The following HSD17B12 variants were observed in gnomAD, a reference collection of about 807,000 sequenced individuals.
HSD17B12 encodes the protein very-long-chain 3-oxoacyl-CoA reductase.
A neutral mutation model predicts 39.3 loss-of-function variants in HSD17B12; 32 were observed. That is an observed-to-expected ratio of 0.81 (90% CI 0.61 to 1.09). The LOEUF (loss-of-function observed/expected upper bound fraction) is 1.09. HSD17B12 is among the 50% of genes least tolerant of loss of function. HSD17B12 has a pLI of 0.00. For missense variants in HSD17B12, 342 were observed against 382.9 expected (o/e 0.89, Z 0.89); for synonymous variants, 150 against 146.7 (o/e 1.02, Z -0.16).
At chr11:43,808,292 T>A (rs75363040) in intron 4 of HSD17B12, among the ~76,000 whole-genome samples, 3 of 46,998 alleles carry the variant, frequency 6.4e-5, no homozygotes, top group Non-Finnish European at 1.6e-4. Flanking sequence ...GTGCATGGAT[T>A]TTTTTTTTTT....
upstream of HSD17B12, among the ~76,000 whole-genome samples, chr11:43,679,482 C>T (rs1373997653): frequency 6.6e-6 from 1 of 152,140 alleles, no homozygotes; most frequent in East Asian, 1.9e-4. Context: ...TTAAGTTTTA[C>T]ACAATTTTTT....
At chr11:43,711,360 A>G (rs988891121) in intron 1 of HSD17B12, among the ~76,000 whole-genome samples, 2 of 152,220 alleles carry the variant, frequency 1.3e-5, no homozygotes, top group Non-Finnish European at 2.9e-5. Context: ...AGCACATTCT[A>G]AAGTTAGATT....
At position 43,719,102 on chromosome 11, in the gene HSD17B12, G is replaced by A. The variant is rs1169403442; in HGVS notation, c.161-31809G>A. 6.9e-5 allele frequency: 53 copies of A among 765,890 alleles called. 2 individuals are homozygous for A. The Middle Eastern group carries it at 1.4e-3, about 20-fold the overall frequency. 47.4% of individuals were successfully genotyped at this position (765,890 alleles called of 1,614,324 possible). On this transcript the variant is annotated intron_variant, in intron 1 of 10. Transcript: ENST00000278353. Reference sequence around the variant, plus strand: ...GAAAGCATATGTTCAACTGGCTCCTGATTACAATGCTTTGGATGTTGCCAA... The same window carrying A: ...GAAAGCATATGTTCAACTGGCTCCTAATTACAATGCTTTGGATGTTGCCAA...
intron 1 of HSD17B12, among the ~76,000 whole-genome samples, chr11:43,682,845 G>A (rs1590655401): frequency 6.6e-6 from 1 of 151,532 alleles, no homozygotes; most frequent in Admixed American, 6.6e-5. Flanking sequence ...GGGCAGTGGT[G>A]TGGTGGTGTG....
chr11:43,796,669 G>T (rs1270663058), intron 3 of HSD17B12, among the ~76,000 whole-genome samples: 2 of 152,140 alleles, frequency 1.3e-5, no homozygotes, highest in African/African-American at 2.4e-5. Flanking sequence ...GAGTGAATTT[G>T]GTTCAGGAGT....
At chr11:43,673,849 C>G in the HSD17B12 span, among the ~76,000 whole-genome samples, 1 of 152,242 alleles carries the variant, frequency 6.6e-6, no homozygotes, top group South Asian at 2.1e-4. Context: ...TGAGCTAGTT[C>G]TGGAGATATG....
the HSD17B12 span, among the ~76,000 whole-genome samples, chr11:43,613,477 A>G: frequency 6.6e-6 from 1 of 152,090 alleles, no homozygotes; most frequent in African/African-American, 2.4e-5. Flanking sequence ...TCTCTGACTT[A>G]TGCTTAAAAA....
the HSD17B12 span, among the ~76,000 whole-genome samples, chr11:43,620,503 A>C: frequency 1.3e-5 from 2 of 152,226 alleles, no homozygotes; most frequent in Non-Finnish European, 2.9e-5. Context: ...AGTCATATAC[A>C]TGTATAAGGT....
At chr11:43,699,301 T>C (rs1234661054) in intron 1 of HSD17B12, among the ~76,000 whole-genome samples, 1 of 152,200 alleles carries the variant, frequency 6.6e-6, no homozygotes, top group East Asian at 1.9e-4. Flanking sequence ...TCTTTTTCTT[T>C]AGCTTAAGGC....
At chr11:43,626,066 G>GT in the HSD17B12 span, among the ~76,000 whole-genome samples, 2 of 151,386 alleles carry the variant, frequency 1.3e-5, no homozygotes, top group Non-Finnish European at 3.0e-5. Context: ...AAAGCAATGA[G>GT]TTACTAAGAT....
rs769284649 is a variant in HSD17B12, at chr11:43,840,019, T to C, written c.639T>C (p.Ser213=). 1.9e-6 allele frequency: 3 copies of C among 1,612,734 alleles called. No individual in the cohort carries two copies. The highest frequency in any genetic ancestry group is 3.3e-5 in the Admixed American group (2 of 59,894). ...CCCAGACTTTTGTAGATTTCTTCTCTCAGTGCCTCCATGAGGAGTATAGGA... is the reference window on the plus strand; with the variant it reads ...CCCAGACTTTTGTAGATTTCTTCTCCCAGTGCCTCCATGAGGAGTATAGGA... The part of the protein sequence containing the change: ...SATKTFVDFF[S]QCLHEEYRSK... Residue 213 remains serine (S), a synonymous_variant, in exon 9 of 11, where the codon TCT becomes TCC. Coordinates refer to ENST00000278353, the MANE Select transcript of HSD17B12 (RefSeq NM_016142.3).
intron 3 of HSD17B12, among the ~76,000 whole-genome samples, chr11:43,774,098 A>G (rs1950675426): frequency 6.6e-6 from 1 of 152,238 alleles, no homozygotes. Context: ...CACATGCCCC[A>G]TGTAAAGGTG....
the HSD17B12 span, among the ~76,000 whole-genome samples, chr11:43,656,454 GT>G: frequency 6.6e-6 from 1 of 152,104 alleles, no homozygotes; most frequent in Non-Finnish European, 1.5e-5. Context: ...TTTTGAATGT[GT>G]TTGCTCTTGC....
At chr11:43,640,083 C>A in the HSD17B12 span, among the ~76,000 whole-genome samples, 1 of 151,698 alleles carries the variant, frequency 6.6e-6, no homozygotes, top group Non-Finnish European at 1.5e-5. Context: ...AGAATATGCC[C>A]GCAAATGCTG....
chr11:43,806,755 T>A (rs1484041864), intron 4 of HSD17B12, among the ~76,000 whole-genome samples: 3 of 152,126 alleles, frequency 2.0e-5, no homozygotes, highest in Non-Finnish European at 4.4e-5. Flanking sequence ...ATGGAAGAAA[T>A]AAGAGCTGGG....
intron 1 of HSD17B12, 32 bp downstream of exon 1, chr11:43,681,019 C>G (rs1321278780): frequency 3.2e-6 from 5 of 1,552,010 alleles, no homozygotes; most frequent in Non-Finnish European, 4.4e-6. Context: ...GTCCTCGCTC[C>G]CGCGGCGGCC....
chr11:43,799,944 C>A (rs970087666), intron 4 of HSD17B12, among the ~76,000 whole-genome samples: 10 of 152,322 alleles, frequency 6.6e-5, no homozygotes, highest in African/African-American at 2.2e-4. Flanking sequence ...ACTACTCCCT[C>A]ACTTATAGGA....
chr11:43,758,191 A>G (rs1267366350), intron 3 of HSD17B12, among the ~76,000 whole-genome samples: 2 of 152,118 alleles, frequency 1.3e-5, no homozygotes, highest in African/African-American at 4.8e-5. Flanking sequence ...ATCTGGTATT[A>G]TATTGTTTTC....
chr11:43,724,219 CTGTGTGTGTGTGTGTGTGTGTG>C (rs56033566), intron 1 of HSD17B12: 7 of 138,864 alleles, frequency 5.0e-5, no homozygotes, highest in African/African-American at 1.6e-4. Flanking sequence ...TGTGTATGCT[CTGTGTGTGTGTGTGTGTGTGTG>C]TGTGTGTGTG....
Sources: allele counts gnomAD v4.1 joint callset (sites outside exome capture counted in the v4.1 genomes callset), GRCh38; gene constraint gnomAD v4.1.1; transcripts MANE v1.5; gene names NCBI Gene and HGNC (gene_info 2026-07-23, HGNC 2026-07-21).